The following ADAMTS19 variants were observed in gnomAD, a reference collection of about 807,000 sequenced individuals.
ADAMTS19 encodes the protein ADAM metallopeptidase with thrombospondin type 1 motif 19.
In ADAMTS19, 93 loss-of-function variants were observed where a neutral mutation model predicts 153.3. The observed-to-expected ratio is 0.61, with a 90% CI of 0.51 to 0.72. The LOEUF (loss-of-function observed/expected upper bound fraction) is 0.72, where lower values mean the gene tolerates loss of function less well. Ranked by LOEUF, ADAMTS19 falls within the 30% of genes least tolerant of loss-of-function variation. The pLI, the probability that ADAMTS19 is intolerant of heterozygous loss-of-function variation, is 0.00. For missense variants in ADAMTS19, 1,482 were observed against 1,552.1 expected (o/e 0.95, Z 0.76); for synonymous variants, 600 against 556.6 (o/e 1.08, Z -1.10).
rs180753247 is a variant in ADAMTS19 at position 129,654,020 on chromosome 5, G to T, written c.2177-286G>T. On this transcript the variant is annotated intron_variant, in intron 13 of 22. Transcript: ENST00000274487. ...TGTGCCAATATTATTCAGGGAGGAG[G>T]TCTGGATTGTGTGTGCTAGATATGT... 3.3e-3 allele frequency among the ~76,000 whole-genome samples: 500 copies of T among 152,204 alleles called. 3 individuals are homozygous for T. The highest frequency in any genetic ancestry group is 0.011 in the African/African-American group (471 of 41,544).
At chr5:129,621,885 A>G (rs989227159) in intron 9 of ADAMTS19, among the ~76,000 whole-genome samples, 12 of 152,208 alleles carry the variant, frequency 7.9e-5, no homozygotes, top group Admixed American at 6.5e-4. Context: ...TTACTCTCTG[A>G]CTCTGAGCCT....
At chr5:129,508,570 G>C (rs1751335850) in intron 2 of ADAMTS19, among the ~76,000 whole-genome samples, 2 of 151,846 alleles carry the variant, frequency 1.3e-5, no homozygotes, top group African/African-American at 4.8e-5. Flanking sequence ...TTCTTCAAGG[G>C]CTTTTAAAAT....
chr5:129,518,815 A>T (rs185701361), intron 3 of ADAMTS19, among the ~76,000 whole-genome samples: 69 of 151,526 alleles, frequency 4.6e-4, no homozygotes, highest in African/African-American at 1.6e-3. Context: ...AAGGCCAATA[A>T]CTCTTATATT....
intron 7 of ADAMTS19, among the ~76,000 whole-genome samples, chr5:129,589,149 ATTAC>A (rs1749970031): frequency 6.6e-6 from 1 of 151,768 alleles, no homozygotes; most frequent in Non-Finnish European, 1.5e-5. Flanking sequence ...AATTCACTAT[ATTAC>A]TTCCTTCATT....
At chr5:129,512,787 C>T (rs1751482710) in intron 3 of ADAMTS19, among the ~76,000 whole-genome samples, 1 of 151,764 alleles carries the variant, frequency 6.6e-6, no homozygotes, top group African/African-American at 2.4e-5. Flanking sequence ...ATAAACTATC[C>T]CCCTCATTTT....
chr5:129,649,038 T>C (rs1220059753), intron 13 of ADAMTS19, 68 bp downstream of exon 13: 2 of 1,399,872 alleles, frequency 1.4e-6, no homozygotes, highest in African/African-American at 1.4e-5. Flanking sequence ...GTTTTTACAA[T>C]AGTCAGATTA....
At chr5:129,707,127 C>G (rs536577692) in intron 21 of ADAMTS19, among the ~76,000 whole-genome samples, 1 of 152,210 alleles carries the variant, frequency 6.6e-6, no homozygotes, top group South Asian at 2.1e-4. Context: ...TACAATATTT[C>G]CTGGTTGTGA....
intron 15 of ADAMTS19, 112 bp from the exon 16 acceptor site, chr5:129,665,387 T>C: frequency 1.2e-6 from 1 of 811,728 alleles, no homozygotes; most frequent in African/African-American, 1.8e-5. Flanking sequence ...ACGTAAGTAC[T>C]GAAATATCAT....
chr5:129,461,852 A>G lies in ADAMTS19; in HGVS notation c.747+95A>G, dbSNP rs538883984. The G allele has an allele frequency of 2.3e-5, 33 of 1,430,278 alleles. No homozygotes were observed. In the South Asian group the frequency reaches 4.6e-4, roughly 20 times the overall value. 88.6% of individuals were successfully genotyped at this position (1,430,278 alleles called of 1,614,324 possible). A position where few individuals can be genotyped will look rare whatever the true frequency, so the allele number is the denominator to read the frequency against. On this transcript the variant is annotated intron_variant, in intron 2 of 22. Coordinates refer to ENST00000274487, the MANE Select transcript of ADAMTS19 (RefSeq NM_133638.6). This position sits in a 1 kb window ranked among gnomAD's most constrained non-coding sequence, Gnocchi z 4.6. ...ATTTGCATGCACCTTCTCCCCTTTC[A>G]GTGTGCTCCTTTTGAGCTTGGCCCT... is the stretch of plus-strand genomic sequence containing the variant.
At chr5:129,642,073 C>A in intron 11 of ADAMTS19, 113 bp downstream of exon 11, 1 of 471,024 alleles carries the variant, frequency 2.1e-6, no homozygotes, top group Non-Finnish European at 3.7e-6. Context: ...GGAATAATAA[C>A]AGTATATACA....
At chr5:129,471,981 A>G (rs2126652660) in intron 2 of ADAMTS19, among the ~76,000 whole-genome samples, 1 of 152,256 alleles carries the variant, frequency 6.6e-6, no homozygotes, top group African/African-American at 2.4e-5. Context: ...GATTCCATGC[A>G]TTTGCTATTA....
chr5:129,564,570 A>G (rs1753638526), intron 7 of ADAMTS19, among the ~76,000 whole-genome samples: 2 of 152,234 alleles, frequency 1.3e-5, no homozygotes, highest in South Asian at 4.1e-4. Flanking sequence ...ATATCCGATG[A>G]GACAGTAAAA....
chr5:129,623,993 G>T (rs1751906118), intron 10 of ADAMTS19, among the ~76,000 whole-genome samples: 1 of 151,586 alleles, frequency 6.6e-6, no homozygotes, highest in African/African-American at 2.4e-5. Flanking sequence ...TGGGCATGGT[G>T]GCGGGCACCT....
chr5:129,695,895 A>G (rs76532639), intron 19 of ADAMTS19, among the ~76,000 whole-genome samples: 6,735 of 152,220 alleles, frequency 0.044, 456 homozygotes, highest in African/African-American at 0.15. Context: ...ATGGTGAATT[A>G]ACACACCCTA....
chr5:129,547,871 C>T (rs1752920081), intron 6 of ADAMTS19, among the ~76,000 whole-genome samples: 1 of 150,758 alleles, frequency 6.6e-6, no homozygotes, highest in Non-Finnish European at 1.5e-5. Context: ...AATAATGCCA[C>T]ATATCTACAA....
chr5:129,599,089 TA>T (rs55892109), intron 8 of ADAMTS19, among the ~76,000 whole-genome samples: 33 of 148,864 alleles, frequency 2.2e-4, no homozygotes, highest in East Asian at 9.8e-4. Context: ...ATTTATTACT[TA>T]AAAAAAAAAA....
intron 20 of ADAMTS19, 28 bp downstream of exon 20, chr5:129,701,620 A>G (rs1755860902): frequency 1.9e-6 from 3 of 1,609,548 alleles, no homozygotes; most frequent in East Asian, 4.5e-5. Flanking sequence ...TTCTTTCCCC[A>G]TTCCTACTCT....
At chr5:129,650,215 T>G (rs1353834221) in intron 13 of ADAMTS19, among the ~76,000 whole-genome samples, 1 of 152,162 alleles carries the variant, frequency 6.6e-6, no homozygotes, top group Non-Finnish European at 1.5e-5. Flanking sequence ...GAGTGGGCTG[T>G]GGGTGTGGGC....
chr5:129,548,750 A>G (rs1400424502), intron 6 of ADAMTS19, among the ~76,000 whole-genome samples: 1 of 152,030 alleles, frequency 6.6e-6, no homozygotes, highest in Non-Finnish European at 1.5e-5. Flanking sequence ...AGCACTATTT[A>G]CAATAGCAAA....
Sources: allele counts gnomAD v4.1 joint callset (sites outside exome capture counted in the v4.1 genomes callset), GRCh38; gene constraint gnomAD v4.1.1; non-coding constraint Gnocchi (gnomAD v3.1); transcripts MANE v1.5; gene names NCBI Gene and HGNC (gene_info 2026-07-23, HGNC 2026-07-21).